Variants in KLHL29 observed in about 807,000 individuals in gnomAD.
The protein encoded by KLHL29 is kelch like family member 29, also known as kelch-like protein 29.
KLHL29 carries 21 observed loss-of-function variants against 80.4 expected under a neutral mutation model. That is an observed-to-expected ratio of 0.26 (90% CI 0.19 to 0.38). KLHL29 has a LOEUF of 0.38. Ranked by LOEUF, KLHL29 falls within the 10% of genes least tolerant of loss-of-function variation. The probability of loss-of-function intolerance (pLI) is 1.00; values close to 1 mark genes in which losing one functional copy is unlikely to be tolerated. For missense variants in KLHL29, 867 were observed against 1,223.9 expected, an observed-to-expected ratio of 0.71 and a Z score of 4.35; for synonymous variants, 511 against 526.8, an observed-to-expected ratio of 0.97 and a Z score of 0.41.
chr2:23,678,190 G>C (rs1000529079), intron 5 of KLHL29, among the ~76,000 whole-genome samples: 1 of 152,174 alleles, frequency 6.6e-6, no homozygotes, highest in Non-Finnish European at 1.5e-5. Flanking sequence ...TCTGTTTGTG[G>C]CTTCACTCTC....
chr2:23,693,031 G>A (rs1162016515), intron 7 of KLHL29, among the ~76,000 whole-genome samples: 1 of 152,134 alleles, frequency 6.6e-6, no homozygotes, highest in Non-Finnish European at 1.5e-5. Context: ...CTTCTGCCAG[G>A]ACCTGTGCGC....
intron 2 of KLHL29, among the ~76,000 whole-genome samples, chr2:23,543,251 C>T (rs1666893909): frequency 6.6e-6 from 1 of 152,166 alleles, no homozygotes. Context: ...GAACTCATTA[C>T]ACGGCTCCAG....
intron 1 of KLHL29, among the ~76,000 whole-genome samples, chr2:23,391,616 G>A (rs1180594339): frequency 6.6e-6 from 1 of 152,126 alleles, no homozygotes; most frequent in Non-Finnish European, 1.5e-5. Flanking sequence ...TGTATTTTTA[G>A]TGGAGATGGG....
chr2:23,531,136 G>T (rs987095237), intron 2 of KLHL29, among the ~76,000 whole-genome samples: 4 of 152,222 alleles, frequency 2.6e-5, no homozygotes, highest in African/African-American at 9.6e-5. Flanking sequence ...GCAGAAGCCT[G>T]GCTGAGAAGC....
chr2:23,678,127 GT>G (rs1265775725), intron 5 of KLHL29, among the ~76,000 whole-genome samples: 3 of 152,154 alleles, frequency 2.0e-5, no homozygotes, highest in Non-Finnish European at 4.4e-5. Flanking sequence ...AACTTGTGTC[GT>G]TTGGTGAAAA....
chr2:23,687,382 A>G (rs975057327), intron 6 of KLHL29, among the ~76,000 whole-genome samples: 2 of 152,182 alleles, frequency 1.3e-5, no homozygotes, highest in Non-Finnish European at 2.9e-5. Context: ...AGGGAGGACA[A>G]TGACCCAGCA....
At chr2:23,617,179 C>G (rs888090638) in intron 3 of KLHL29, 4 of 152,280 alleles carry the variant, frequency 2.6e-5, no homozygotes, top group Non-Finnish European at 5.9e-5. Context: ...GTCTGATTTC[C>G]CGGCAGCCTC....
Position 23,682,225 on chromosome 2 carries a change from G to A in KLHL29, c.941-2174G>A, listed in dbSNP as rs114636670. 0.014 allele frequency among the ~76,000 whole-genome samples: 2,068 copies of A among 152,216 alleles called. 22 individuals are homozygous for A. The highest frequency in any genetic ancestry group is 0.031 in the Middle Eastern group (9 of 294). ...TTCTCACCTCTCCCTCGGAAAGACC[G>A]TCACCATCAGCAGCACTGCACACTC... On this transcript the variant is annotated intron_variant, in intron 5 of 13. Transcript: ENST00000486442. The surrounding 1 kb of genome is among the most constrained non-coding windows in gnomAD (Gnocchi z 4.1).
intron 2 of KLHL29, among the ~76,000 whole-genome samples, chr2:23,518,292 A>G (rs922895891): frequency 1.3e-4 from 20 of 152,102 alleles, no homozygotes; most frequent in Non-Finnish European, 2.6e-4. Context: ...ACCTGTTGTT[A>G]TTTTCCTTGC....
At chr2:23,667,980 G>A (rs1057260719) in intron 5 of KLHL29, 9 of 152,088 alleles carry the variant, frequency 5.9e-5, no homozygotes, top group African/African-American at 2.2e-4. Flanking sequence ...GAAGAACACT[G>A]GATTTCTGGA....
intron 2 of KLHL29, among the ~76,000 whole-genome samples, chr2:23,539,789 C>G (rs146182863): frequency 6.6e-6 from 1 of 152,116 alleles, no homozygotes; most frequent in Non-Finnish European, 1.5e-5. Context: ...TTTCCTCATT[C>G]TCTTTTTCCA....
At chr2:23,590,993 A>G (rs1027637410) in intron 3 of KLHL29, among the ~76,000 whole-genome samples, 2 of 152,214 alleles carry the variant, frequency 1.3e-5, no homozygotes, top group African/African-American at 4.8e-5. Context: ...GAAATCTCAG[A>G]TGGCCCAACG....
intron 2 of KLHL29, among the ~76,000 whole-genome samples, chr2:23,485,476 C>T (rs993775763): frequency 2.6e-5 from 4 of 152,224 alleles, no homozygotes; most frequent in African/African-American, 7.2e-5. Flanking sequence ...AAGGCCACCA[C>T]CCCTGGGGAC....
In KLHL29 at chr2:23,508,104, G is replaced by A. The variant is rs555386216; in HGVS notation, c.-46+32437G>A. Among the ~76,000 whole-genome samples the A allele has an allele frequency of 2.6e-5, 4 of 152,292 alleles. No individual in the cohort carries two copies. The South Asian group carries it at 6.2e-4, about 24-fold the overall frequency. On this transcript the variant is annotated intron_variant, in intron 2 of 13. Coordinates refer to ENST00000486442, the MANE Select transcript of KLHL29 (RefSeq NM_052920.2). Reference sequence around the variant, plus strand: ...GGGTCTGAGGCCCCTAAGACCCCACGCTTAGGACAGGAAGGAAGTGGCCAG... The same window carrying A: ...GGGTCTGAGGCCCCTAAGACCCCACACTTAGGACAGGAAGGAAGTGGCCAG...
chr2:23,460,418 G>T (rs948536196), intron 1 of KLHL29, among the ~76,000 whole-genome samples: 1 of 152,160 alleles, frequency 6.6e-6, no homozygotes, highest in African/African-American at 2.4e-5. Flanking sequence ...TTGTCATGAT[G>T]TAGGGGGGAA....
At chr2:23,410,707 GAC>G (rs1406868349) in intron 1 of KLHL29, among the ~76,000 whole-genome samples, 3 of 152,096 alleles carry the variant, frequency 2.0e-5, no homozygotes, top group African/African-American at 7.2e-5. Flanking sequence ...GACTTCCAAA[GAC>G]AGTACTTCCC....
At chr2:23,533,610 C>T (rs140680247) in intron 2 of KLHL29, among the ~76,000 whole-genome samples, 57 of 152,286 alleles carry the variant, frequency 3.7e-4, no homozygotes, top group African/African-American at 1.3e-3. Flanking sequence ...AAGCTCCTTC[C>T]CTGGCAGCTG....
At chr2:23,691,517 C>T in intron 6 of KLHL29, 157 bp from the exon 7 acceptor site, 2 of 621,202 alleles carry the variant, frequency 3.2e-6, no homozygotes, top group South Asian at 3.9e-5. Context: ...CTTTCAGATC[C>T]CGTGTCACAG....
At chr2:23,465,478 T>C (rs1664323465) in intron 1 of KLHL29, among the ~76,000 whole-genome samples, 1 of 152,170 alleles carries the variant, frequency 6.6e-6, no homozygotes, top group African/African-American at 2.4e-5. Context: ...AATGCATAAA[T>C]ACCCCGGCTT....
Sources: allele counts gnomAD v4.1 joint callset (sites outside exome capture counted in the v4.1 genomes callset), GRCh38; gene constraint gnomAD v4.1.1; non-coding constraint Gnocchi (gnomAD v3.1); transcripts MANE v1.5; gene names NCBI Gene and HGNC (gene_info 2026-07-23, HGNC 2026-07-21).